NR3C2: variants seen among roughly 807,000 people sequenced by gnomAD.
NR3C2 encodes nuclear receptor subfamily 3 group C member 2.
Under a neutral mutation model 86.4 loss-of-function variants are expected in NR3C2, and 15 were observed. That is an observed-to-expected ratio of 0.17 (90% CI 0.12 to 0.27). The LOEUF (loss-of-function observed/expected upper bound fraction) is 0.27. NR3C2 is among the 10% of genes least tolerant of loss of function. NR3C2 has a pLI of 1.00. For synonymous variants in NR3C2, 458 were observed against 450.5 expected, an observed-to-expected ratio of 1.02 and a Z score of -0.21; for missense variants, 960 against 1,195.6, an observed-to-expected ratio of 0.80 and a Z score of 2.91.
intron 8 of NR3C2, among the ~76,000 whole-genome samples, chr4:148,104,861 G>A (rs921349142): frequency 1.3e-5 from 2 of 152,022 alleles, no homozygotes; most frequent in Non-Finnish European, 2.9e-5. Context: ...TAGCACCAGA[G>A]GCCACACTCT....
At chr4:148,423,992 C>T (rs1462236487) in intron 2 of NR3C2, among the ~76,000 whole-genome samples, 2 of 152,170 alleles carry the variant, frequency 1.3e-5, no homozygotes, top group Non-Finnish European at 2.9e-5. Context: ...GGATTATAGG[C>T]GTGAGCCACC....
At chr4:148,270,700 G>C (rs931746094) in intron 2 of NR3C2, among the ~76,000 whole-genome samples, 1 of 152,098 alleles carries the variant, frequency 6.6e-6, no homozygotes. Flanking sequence ...AACAGTAGAG[G>C]CTTTAAATAA....
intron 2 of NR3C2, among the ~76,000 whole-genome samples, chr4:148,401,938 A>G (rs942661071): frequency 6.6e-6 from 1 of 152,116 alleles, no homozygotes; most frequent in African/African-American, 2.4e-5. Flanking sequence ...AATAATCCTA[A>G]ATCATGATTA....
intron 4 of NR3C2, among the ~76,000 whole-genome samples, chr4:148,159,774 A>G (rs926799443): frequency 2.6e-5 from 4 of 152,222 alleles, no homozygotes; most frequent in Non-Finnish European, 4.4e-5. Flanking sequence ...GATGTTTGCT[A>G]ATTACACAGG....
chr4:148,160,303 C>T (rs557842363), intron 4 of NR3C2, among the ~76,000 whole-genome samples: 1 of 152,296 alleles, frequency 6.6e-6, no homozygotes, highest in East Asian at 1.9e-4. Context: ...CTTGGTGGGA[C>T]TCTATTAAAA....
intron 7 of NR3C2, among the ~76,000 whole-genome samples, chr4:148,116,438 G>A (rs1199497080): frequency 1.3e-5 from 2 of 152,196 alleles, no homozygotes; most frequent in African/African-American, 2.4e-5. Flanking sequence ...AAATGCAGCA[G>A]AGCTGCTGGA....
Position 148,206,651 on chromosome 4 carries a change from G to A in NR3C2, c.1898-11789C>T, listed in dbSNP as rs189605809. ...ACTTTGTATATGGTTATTTTATCATGTGGAGTTGAAGATTAGAATCTGATA... is the reference window on the plus strand; with the variant it reads ...ACTTTGTATATGGTTATTTTATCATATGGAGTTGAAGATTAGAATCTGATA... On this transcript the variant is annotated intron_variant, in intron 3 of 8. Transcript: ENST00000358102. Among the ~76,000 whole-genome samples the A allele has an allele frequency of 1.1e-3, 162 of 152,292 alleles. 1 individual carries two copies. Among genetic ancestry groups the A allele is most frequent in the Non-Finnish European group, 2.1e-3 (143 of 68,030 alleles).
Position 148,089,293 on chromosome 4 carries a change from C to A in NR3C2, c.2800-7794G>T, listed in dbSNP as rs528737746. 5.3e-5 allele frequency among the ~76,000 whole-genome samples: 8 copies of A among 152,304 alleles called. No individual in the cohort carries two copies. The South Asian group carries it at 1.7e-3, about 32-fold the overall frequency. ...TGGGGTTTAATGTGCTCTGCACCCG[C>A]AGGATGTTTGGGCCCAGAAAGCTGG... On this transcript the variant is annotated intron_variant, in intron 8 of 8. Transcript: ENST00000358102.
intron 6 of NR3C2, among the ~76,000 whole-genome samples, chr4:148,136,688 C>T (rs574697083): frequency 1.3e-5 from 2 of 152,058 alleles, no homozygotes; most frequent in East Asian, 3.9e-4. Flanking sequence ...CTCTTGTTGT[C>T]CAGGCTGGAG....
chr4:148,301,371 A>C (rs1742329348), intron 2 of NR3C2, among the ~76,000 whole-genome samples: 1 of 152,212 alleles, frequency 6.6e-6, no homozygotes, highest in African/African-American at 2.4e-5. Context: ...TATGGGTAAA[A>C]TGCATATCCC....
chr4:148,259,269 T>G (rs1333264808), intron 3 of NR3C2, among the ~76,000 whole-genome samples: 1 of 152,216 alleles, frequency 6.6e-6, no homozygotes, highest in Non-Finnish European at 1.5e-5. Flanking sequence ...AGACATAGTT[T>G]GCAACATCAA....
At chr4:148,108,618 T>G (rs1292780433) in intron 8 of NR3C2, among the ~76,000 whole-genome samples, 1 of 152,040 alleles carries the variant, frequency 6.6e-6, no homozygotes, top group Non-Finnish European at 1.5e-5. Flanking sequence ...TATTCAGCAA[T>G]GGGATCCTCA....
chr4:148,320,854 A>G (rs1164659356), intron 2 of NR3C2, among the ~76,000 whole-genome samples: 15 of 150,478 alleles, frequency 1.0e-4, no homozygotes, highest in African/African-American at 3.2e-4. Flanking sequence ...ATTTTTTGAA[A>G]GGTTTTTTGT....
chr4:148,420,679 C>T (rs891472038), intron 2 of NR3C2, among the ~76,000 whole-genome samples: 1 of 152,072 alleles, frequency 6.6e-6, no homozygotes, highest in Non-Finnish European at 1.5e-5. Context: ...AACTGTAATC[C>T]CCAATGTTGG....
At chr4:148,321,702 C>T (rs1345072748) in intron 2 of NR3C2, among the ~76,000 whole-genome samples, 1 of 151,914 alleles carries the variant, frequency 6.6e-6, no homozygotes, top group Non-Finnish European at 1.5e-5. Flanking sequence ...GATTGCAACC[C>T]CTGCCTTTTT....
intron 2 of NR3C2, among the ~76,000 whole-genome samples, chr4:148,352,647 C>G (rs1745350851): frequency 6.6e-6 from 1 of 152,100 alleles, no homozygotes; most frequent in South Asian, 2.1e-4. Context: ...TTCCTAAAAT[C>G]AATCATCTTC....
chr4:148,314,885 T>C (rs1225478801), intron 2 of NR3C2, among the ~76,000 whole-genome samples: 1 of 152,212 alleles, frequency 6.6e-6, no homozygotes, highest in Non-Finnish European at 1.5e-5. Context: ...TTTAACATGA[T>C]AAATATGTTT....
chr4:148,200,834 G>A (rs1349273794), intron 3 of NR3C2, among the ~76,000 whole-genome samples: 1 of 151,936 alleles, frequency 6.6e-6, no homozygotes, highest in African/African-American at 2.4e-5. Context: ...CATATTATCA[G>A]TATAATTTCA....
chr4:148,181,488 C>T (rs17483854), intron 4 of NR3C2, among the ~76,000 whole-genome samples: 16,426 of 152,216 alleles, frequency 0.11, 1,240 homozygotes, highest in Non-Finnish European at 0.17. Flanking sequence ...CTTCAAAGGA[C>T]TCATTCTTGG....
Sources: allele counts gnomAD v4.1 joint callset (sites outside exome capture counted in the v4.1 genomes callset), GRCh38; gene constraint gnomAD v4.1.1; transcripts MANE v1.5; gene names NCBI Gene and HGNC (gene_info 2026-07-23, HGNC 2026-07-21).